CTNNA3: variants seen among roughly 807,000 people sequenced by gnomAD.
CTNNA3 encodes the protein catenin alpha-3.
Under a neutral mutation model 95.7 loss-of-function variants are expected in CTNNA3, and 76 were observed. The observed-to-expected ratio is 0.79, with a 90% CI of 0.66 to 0.96. The LOEUF (loss-of-function observed/expected upper bound fraction) is 0.96, where lower values mean the gene tolerates loss of function less well. Ranked by LOEUF, CTNNA3 falls within the 40% of genes least tolerant of loss-of-function variation. CTNNA3 has a pLI of 0.00. For synonymous variants in CTNNA3, 431 were observed against 374.4 expected, an observed-to-expected ratio of 1.15 and a Z score of -1.74; for missense variants, 1,191 against 1,089.8, an observed-to-expected ratio of 1.09 and a Z score of -1.31.
chr10:66,112,522 T>C (rs2082158564), intron 13 of CTNNA3, among the ~76,000 whole-genome samples: 1 of 152,166 alleles, frequency 6.6e-6, no homozygotes, highest in Admixed American at 6.5e-5. Flanking sequence ...TTTAAGTGAA[T>C]AACATAGTAT....
At chr10:66,842,129 G>T (rs376481775) in intron 7 of CTNNA3, among the ~76,000 whole-genome samples, 2 of 151,576 alleles carry the variant, frequency 1.3e-5, no homozygotes, top group Admixed American at 6.6e-5. Context: ...TTTTTGGAGA[G>T]ATGCAGTCTC....
At chr10:65,998,013 T>C (rs907320161) in intron 15 of CTNNA3, among the ~76,000 whole-genome samples, 9 of 151,860 alleles carry the variant, frequency 5.9e-5, no homozygotes, top group Non-Finnish European at 8.8e-5. Flanking sequence ...AAACTCTGTC[T>C]CAAAAAAAAC....
chr10:66,887,650 T>C (rs1845095861), intron 7 of CTNNA3, among the ~76,000 whole-genome samples: 1 of 152,196 alleles, frequency 6.6e-6, no homozygotes, highest in Non-Finnish European at 1.5e-5. Flanking sequence ...CTTGTCAGAC[T>C]GAATCTTTTG....
chr10:67,461,186 A>G (rs971955489), intron 5 of CTNNA3, among the ~76,000 whole-genome samples: 5 of 152,180 alleles, frequency 3.3e-5, no homozygotes, highest in African/African-American at 1.2e-4. Context: ...AATAGAATGA[A>G]CACACTATAG....
chr10:66,215,186 G>A (rs915395399), intron 13 of CTNNA3, among the ~76,000 whole-genome samples: 6 of 152,156 alleles, frequency 3.9e-5, no homozygotes, highest in Non-Finnish European at 8.8e-5. Context: ...GCTCAACTGT[G>A]GACACTGGAT....
At chr10:66,503,439 C>G (rs1840345755) in intron 11 of CTNNA3, among the ~76,000 whole-genome samples, 1 of 151,968 alleles carries the variant, frequency 6.6e-6, no homozygotes, top group Admixed American at 6.6e-5. Flanking sequence ...ACAGAATTAT[C>G]TATCTTCAAG....
intron 7 of CTNNA3, among the ~76,000 whole-genome samples, chr10:67,024,506 G>A (rs1205081487): frequency 6.6e-6 from 1 of 152,158 alleles, no homozygotes; most frequent in African/African-American, 2.4e-5. Context: ...TCTTTGGTGG[G>A]TGGAGGGCAT....
At chr10:67,744,889 C>T (rs865898183) in intron 1 of CTNNA3, among the ~76,000 whole-genome samples, 42 of 152,122 alleles carry the variant, frequency 2.8e-4, no homozygotes, top group Middle Eastern at 3.4e-3. Context: ...ATTTATGCAG[C>T]CAAAAAACAC....
chr10:66,817,844 GA>G (rs1842149045), intron 7 of CTNNA3, among the ~76,000 whole-genome samples: 1 of 151,822 alleles, frequency 6.6e-6, no homozygotes, highest in East Asian at 1.9e-4. Flanking sequence ...CATGAAAAAA[GA>G]AAACTACAGA....
intron 13 of CTNNA3, among the ~76,000 whole-genome samples, chr10:66,210,749 A>G (rs1382466109): frequency 6.6e-6 from 1 of 152,240 alleles, no homozygotes; most frequent in Non-Finnish European, 1.5e-5. Context: ...AAGCAAATGG[A>G]GTAAACAACA....
intron 1 of CTNNA3, among the ~76,000 whole-genome samples, chr10:67,672,130 ATG>A (rs773527784): frequency 6.6e-6 from 1 of 151,962 alleles, no homozygotes; most frequent in Non-Finnish European, 1.5e-5. Flanking sequence ...GCATTTTTTC[ATG>A]TGTCTTTGGC....
At chr10:67,301,812 C>G (rs151072344) in intron 5 of CTNNA3, among the ~76,000 whole-genome samples, 5 of 151,062 alleles carry the variant, frequency 3.3e-5, no homozygotes, top group African/African-American at 1.2e-4. Flanking sequence ...ACTAAAAATA[C>G]ACAAAAATTA....
intron 7 of CTNNA3, among the ~76,000 whole-genome samples, chr10:67,110,915 T>C (rs1320403581): frequency 6.6e-6 from 1 of 152,166 alleles, no homozygotes. Flanking sequence ...GAGGTAAGAC[T>C]TAACCTAAAT....
At chr10:67,386,409 T>C (rs1194297568) in intron 5 of CTNNA3, among the ~76,000 whole-genome samples, 2 of 152,172 alleles carry the variant, frequency 1.3e-5, no homozygotes, top group Non-Finnish European at 2.9e-5. Context: ...TCCATGTCCA[T>C]CTCCTTCTGC....
intron 13 of CTNNA3, among the ~76,000 whole-genome samples, chr10:66,147,230 T>C (rs752754442): frequency 2.6e-5 from 4 of 152,162 alleles, no homozygotes; most frequent in Non-Finnish European, 4.4e-5. Flanking sequence ...AACTTATCGG[T>C]AATATGATTC....
chr10:66,285,954 C>T (rs2091580951), intron 12 of CTNNA3, among the ~76,000 whole-genome samples: 1 of 151,936 alleles, frequency 6.6e-6, no homozygotes, highest in African/African-American at 2.4e-5. Flanking sequence ...TATTCATTCT[C>T]ATTGCTGTAT....
At chr10:67,004,573 T>C (rs939676834) in intron 7 of CTNNA3, among the ~76,000 whole-genome samples, 1 of 152,172 alleles carries the variant, frequency 6.6e-6, no homozygotes, top group Non-Finnish European at 1.5e-5. Context: ...AAACCATCAT[T>C]ATTGCCTGTA....
chr10:67,210,552 A>T (rs1269314182), intron 6 of CTNNA3, among the ~76,000 whole-genome samples: 4 of 152,126 alleles, frequency 2.6e-5, no homozygotes, highest in Non-Finnish European at 5.9e-5. Flanking sequence ...AAGCTAATTA[A>T]CATGTCCATC....
Position 66,054,373 on chromosome 10 carries a change from A to G in CTNNA3, c.2159+14935T>C, listed in dbSNP as rs115431185. Among the ~76,000 whole-genome samples the G allele has an allele frequency of 3.1e-3, 467 of 152,180 alleles. 5 individuals carry two copies. The highest frequency in any genetic ancestry group is 0.011 in the African/African-American group (445 of 41,524). On this transcript the variant is annotated intron_variant, in intron 15 of 17. Coordinates refer to ENST00000433211, the MANE Select transcript of CTNNA3 (RefSeq NM_013266.4). ...TGTACAAGAGTTTCCCTTTTTCCACATTCTCATCAGCATTTGTTACTGCTT... is the reference window on the plus strand; with the variant it reads ...TGTACAAGAGTTTCCCTTTTTCCACGTTCTCATCAGCATTTGTTACTGCTT...
Sources: gnomAD v4.1 joint callset for allele counts (sites outside exome capture counted in the v4.1 genomes callset) on GRCh38, gnomAD v4.1.1 for gene constraint, MANE v1.5 for transcripts, NCBI Gene and HGNC (gene_info 2026-07-23, HGNC 2026-07-21) for gene names.